Variants in CADM1 observed in about 807,000 individuals in gnomAD.
The protein encoded by CADM1 is TSLC-1.
Under a neutral mutation model 53.1 loss-of-function variants are expected in CADM1, and 15 were observed. The ratio of observed to expected loss-of-function variants is 0.28; its 90% CI spans 0.19 to 0.44. The LOEUF (loss-of-function observed/expected upper bound fraction) is 0.44, where lower values mean the gene tolerates loss of function less well. Among genes scored for constraint, CADM1 ranks in the 20% least tolerant of loss-of-function variants. The pLI, the probability that CADM1 is intolerant of heterozygous loss-of-function variation, is 1.00. For missense variants in CADM1, 434 were observed against 611.3 expected (o/e 0.71, Z 3.06); for synonymous variants, 281 against 243.0 (o/e 1.16, Z -1.45).
chr11:115,354,229 T>C (rs543442671), intron 1 of CADM1, among the ~76,000 whole-genome samples: 69 of 152,318 alleles, frequency 4.5e-4, no homozygotes, highest in South Asian at 3.1e-3. Flanking sequence ...GTGACAATCA[T>C]GCTAGTCATT....
intron 8 of CADM1, among the ~76,000 whole-genome samples, chr11:115,208,601 C>A (rs567880597): frequency 7.2e-5 from 11 of 152,294 alleles, no homozygotes; most frequent in African/African-American, 2.4e-4. Flanking sequence ...CACCAGCTAA[C>A]AAAATGCAGC....
chr11:115,392,995 T>A (rs900079402), intron 1 of CADM1, among the ~76,000 whole-genome samples: 8 of 142,340 alleles, frequency 5.6e-5, no homozygotes, highest in African/African-American at 2.1e-4. Flanking sequence ...AGGGCTGTAG[T>A]ATGCCATGCT....
intron 1 of CADM1, among the ~76,000 whole-genome samples, chr11:115,380,544 T>A (rs1350946273): frequency 6.6e-6 from 1 of 152,154 alleles, no homozygotes; most frequent in Non-Finnish European, 1.5e-5. Flanking sequence ...CAAACAATAT[T>A]TTTACAACTT....
At chr11:115,284,635 CTATTT>C (rs1695174908) in intron 1 of CADM1, among the ~76,000 whole-genome samples, 2 of 152,084 alleles carry the variant, frequency 1.3e-5, no homozygotes, top group South Asian at 4.1e-4. Flanking sequence ...TCCTCCTTTT[CTATTT>C]TTTCTTCACC....
At chr11:115,501,065 C>A (rs1051108500) in intron 1 of CADM1, among the ~76,000 whole-genome samples, 1 of 152,184 alleles carries the variant, frequency 6.6e-6, no homozygotes, top group Non-Finnish European at 1.5e-5. Flanking sequence ...TATTCCCCCC[C>A]TTTTTCGTAT....
intron 9 of CADM1, among the ~76,000 whole-genome samples, chr11:115,192,007 T>C (rs1340244079): frequency 6.6e-6 from 1 of 152,238 alleles, no homozygotes; most frequent in Non-Finnish European, 1.5e-5. Flanking sequence ...ACAAAGTGTA[T>C]TCTCAGTGAG....
intron 1 of CADM1, among the ~76,000 whole-genome samples, chr11:115,461,256 A>G (rs1948789330): frequency 6.6e-6 from 1 of 152,330 alleles, no homozygotes; most frequent in Admixed American, 6.5e-5. Flanking sequence ...AAAAAATAAT[A>G]ATGTAGTTGA....
chr11:115,405,212 T>C (rs537892670), intron 1 of CADM1, among the ~76,000 whole-genome samples: 1 of 152,252 alleles, frequency 6.6e-6, no homozygotes, highest in Non-Finnish European at 1.5e-5. Context: ...CTCGGCTTCC[T>C]AAGTAGCTGG....
rs1941259312 is a variant in CADM1, at chr11:115,218,006, C to T, written c.722-15G>A. 6.3e-7 allele frequency: 1 copy of T among 1,577,702 alleles called. No homozygotes were observed. Among genetic ancestry groups the T allele is most frequent in the Non-Finnish European group, 8.7e-7 (1 of 1,147,064 alleles). On this transcript the variant is annotated splice_polypyrimidine_tract_variant and intron_variant, in intron 5 of 11. Transcript: ENST00000331581. ...TTGAGGCTTATCTGTGTGACAAAAACACAAAGTATAATGTTTAGCAAATGA... is the reference window on the plus strand; with the variant it reads ...TTGAGGCTTATCTGTGTGACAAAAATACAAAGTATAATGTTTAGCAAATGA...
intron 1 of CADM1, among the ~76,000 whole-genome samples, chr11:115,444,629 G>A (rs1948408476): frequency 6.6e-6 from 1 of 152,220 alleles, no homozygotes; most frequent in Non-Finnish European, 1.5e-5. Context: ...TGTTCTGTAT[G>A]TCCACACGAC....
chr11:115,381,134 A>C (rs374454436), intron 1 of CADM1, among the ~76,000 whole-genome samples: 13 of 152,044 alleles, frequency 8.6e-5, no homozygotes, highest in African/African-American at 3.1e-4. Flanking sequence ...ATCTCTACTA[A>C]AAATACAAAA....
intron 1 of CADM1, among the ~76,000 whole-genome samples, chr11:115,276,739 T>A (rs1326292145): frequency 1.3e-5 from 2 of 152,154 alleles, no homozygotes; most frequent in Non-Finnish European, 2.9e-5. Context: ...TCTCTGACAA[T>A]TAGTTGTTGA....
At chr11:115,293,161 G>C (rs1297353484) in intron 1 of CADM1, among the ~76,000 whole-genome samples, 1 of 152,142 alleles carries the variant, frequency 6.6e-6, no homozygotes, top group African/African-American at 2.4e-5. Context: ...GCCGGGTGAC[G>C]GTGACTCACG....
chr11:115,199,813 C>A (rs899181647), intron 8 of CADM1, among the ~76,000 whole-genome samples: 1 of 152,220 alleles, frequency 6.6e-6, no homozygotes, highest in Non-Finnish European at 1.5e-5. Flanking sequence ...AAACTGCAAG[C>A]AAGCAGTTCA....
chr11:115,436,846 G>C (rs755489729), intron 1 of CADM1, among the ~76,000 whole-genome samples: 2 of 151,992 alleles, frequency 1.3e-5, no homozygotes, highest in Non-Finnish European at 2.9e-5. Flanking sequence ...AATTTTTGTT[G>C]AAAAAAGGCA....
chr11:115,175,795 T>C lies in CADM1; in HGVS notation c.*679A>G, dbSNP rs781402830. On this transcript the variant is annotated 3_prime_UTR_variant, in exon 12 of 12. Transcript: ENST00000331581. ...CACAGCAAACAGAACATTTTCTGAA[T>C]CACAGTCTAATTTTCTAGTCTTCAC... 76 of 992,872 alleles carry C rather than the reference T, an allele frequency of 7.7e-5. No individual in the cohort carries two copies. Among genetic ancestry groups the C allele is most frequent in the Non-Finnish European group, 8.9e-5 (74 of 834,346 alleles). 61.5% of individuals were successfully genotyped at this position (992,872 alleles called of 1,614,324 possible).
chr11:115,273,632 C>T (rs901354509), intron 1 of CADM1, among the ~76,000 whole-genome samples: 3 of 151,676 alleles, frequency 2.0e-5, no homozygotes, highest in East Asian at 3.9e-4. Flanking sequence ...TCTTTATCAT[C>T]GTGTTTAAAA....
intron 1 of CADM1, among the ~76,000 whole-genome samples, chr11:115,496,032 T>C (rs1280494902): frequency 6.6e-6 from 1 of 152,204 alleles, no homozygotes; most frequent in African/African-American, 2.4e-5. Flanking sequence ...TGTAATTTGT[T>C]TAGTCAATTA....
chr11:115,278,904 C>A (rs1208544851), intron 1 of CADM1, among the ~76,000 whole-genome samples: 1 of 152,100 alleles, frequency 6.6e-6, no homozygotes, highest in African/African-American at 2.4e-5. Context: ...AAGGAAAATG[C>A]CAAGATTGAG....
Sources: gnomAD v4.1 joint callset for allele counts (sites outside exome capture counted in the v4.1 genomes callset) on GRCh38, gnomAD v4.1.1 for gene constraint, MANE v1.5 for transcripts, NCBI Gene and HGNC (gene_info 2026-07-23, HGNC 2026-07-21) for gene names.